ATP8B4: variants seen among roughly 807,000 people sequenced by gnomAD.
The protein encoded by ATP8B4 is ATPase phospholipid transporting 8B4 (putative).
Under a neutral mutation model 145.6 loss-of-function variants are expected in ATP8B4, and 133 were observed. The observed-to-expected ratio is 0.91, with a 90% confidence interval of 0.79 to 1.05. The LOEUF is 1.05. Among genes scored for constraint, ATP8B4 ranks in the 50% least tolerant of loss-of-function variants. ATP8B4 has a pLI of 0.00. For missense variants in ATP8B4, 1,458 were observed against 1,425.2 expected (o/e 1.02, Z -0.37); for synonymous variants, 507 against 492.9 (o/e 1.03, Z -0.38).
chr15:50,114,130 A>G (rs549548038), intron 1 of ATP8B4, among the ~76,000 whole-genome samples: 1 of 72,010 alleles, frequency 1.4e-5, no homozygotes, highest in African/African-American at 5.3e-5. Flanking sequence ...TTTTTTTTTA[A>G]TTTTCATAGA....
intron 6 of ATP8B4, among the ~76,000 whole-genome samples, chr15:50,029,503 A>G (rs936542325): frequency 1.6e-4 from 24 of 152,194 alleles, no homozygotes; most frequent in Non-Finnish European, 2.9e-4. Context: ...TCATAAAGAC[A>G]CTGGTGGTTG....
chr15:49,945,503 T>A (rs766459324), intron 14 of ATP8B4, among the ~76,000 whole-genome samples: 2 of 152,090 alleles, frequency 1.3e-5, no homozygotes, highest in African/African-American at 2.4e-5. Context: ...ACTTCCAAAC[T>A]CATTTTGAAG....
chr15:50,149,743 G>A (rs1325833606), intron 1 of ATP8B4, among the ~76,000 whole-genome samples: 1 of 152,162 alleles, frequency 6.6e-6, no homozygotes, highest in Non-Finnish European at 1.5e-5. Flanking sequence ...ACATGCCATA[G>A]TAAACTATGT....
At chr15:50,076,508 GA>G (rs947125727) in intron 2 of ATP8B4, among the ~76,000 whole-genome samples, 2 of 151,112 alleles carry the variant, frequency 1.3e-5, no homozygotes, top group Non-Finnish European at 3.0e-5. Context: ...AAAGAAAAAA[GA>G]AAAAAAAGAA....
intron 3 of ATP8B4, among the ~76,000 whole-genome samples, chr15:50,067,240 T>C (rs2053444542): frequency 6.6e-6 from 1 of 152,182 alleles, no homozygotes; most frequent in African/African-American, 2.4e-5. Context: ...GTTTGGGGAT[T>C]TGGCCTATTT....
At chr15:50,013,089 A>G (rs755564012) in intron 6 of ATP8B4, among the ~76,000 whole-genome samples, 1 of 152,168 alleles carries the variant, frequency 6.6e-6, no homozygotes, top group Non-Finnish European at 1.5e-5. Flanking sequence ...CACCACTGAC[A>G]ATAATACATA....
Position 49,917,253 on chromosome 15 carries a change from A to C in ATP8B4, c.2036-214T>G. On this transcript the variant is annotated intron_variant, in intron 19 of 27. Transcript: ENST00000284509. ...AATTCCCTACTTGCTAAACCCATGC[A>C]CAAGTAGCAACACTAACGAATGTGC... The C allele has an allele frequency of 1.0e-5, 5 of 492,766 alleles. No individual in the cohort carries two copies. The South Asian group carries it at 1.5e-4, about 15-fold the overall frequency. The allele number at this position is 492,766 out of a possible 1,614,324, so 30.5% of individuals were successfully genotyped here. A position where few individuals can be genotyped will look rare whatever the true frequency, so the allele number is the denominator to read the frequency against.
At chr15:50,014,984 C>A (rs28492873) in intron 6 of ATP8B4, among the ~76,000 whole-genome samples, 3 of 152,034 alleles carry the variant, frequency 2.0e-5, no homozygotes, top group African/African-American at 4.8e-5. Flanking sequence ...TTAGAAGCCA[C>A]GAAAATGTCC....
intron 23 of ATP8B4, among the ~76,000 whole-genome samples, chr15:49,889,986 G>C (rs970956433): frequency 1.3e-5 from 2 of 152,192 alleles, no homozygotes; most frequent in Non-Finnish European, 2.9e-5. Flanking sequence ...CTTATCCATA[G>C]TAAATTTATT....
At chr15:49,981,428 G>A (rs1432885623) in intron 10 of ATP8B4, 134 bp from the exon 11 acceptor site, 15 of 654,144 alleles carry the variant, frequency 2.3e-5, no homozygotes, top group Non-Finnish European at 2.5e-5. Context: ...AAGAGCAAGG[G>A]CCATTAAGTT....
intron 14 of ATP8B4, among the ~76,000 whole-genome samples, chr15:49,943,599 A>G (rs1384248490): frequency 6.6e-6 from 1 of 152,206 alleles, no homozygotes; most frequent in Non-Finnish European, 1.5e-5. Flanking sequence ...ATCTGCCAAC[A>G]AAGAATAACA....
At chr15:49,918,274 T>C (rs1461497937) in intron 19 of ATP8B4, among the ~76,000 whole-genome samples, 2 of 152,248 alleles carry the variant, frequency 1.3e-5, no homozygotes. Context: ...ATTCTCACTG[T>C]ACCTTGTATA....
chr15:49,869,500 G>T (rs1199067288), intron 25 of ATP8B4, among the ~76,000 whole-genome samples: 2 of 151,834 alleles, frequency 1.3e-5, no homozygotes, highest in African/African-American at 4.8e-5. Flanking sequence ...CAAAACTTAA[G>T]AATCTTTTAT....
intron 13 of ATP8B4, among the ~76,000 whole-genome samples, chr15:49,963,498 C>T (rs1043255441): frequency 2.0e-5 from 3 of 152,056 alleles, no homozygotes; most frequent in Non-Finnish European, 2.9e-5. Flanking sequence ...AGAAAAGACA[C>T]GGAATTAGCC....
intron 23 of ATP8B4, among the ~76,000 whole-genome samples, chr15:49,893,574 C>T (rs2037059587): frequency 6.6e-6 from 1 of 152,014 alleles, no homozygotes; most frequent in Non-Finnish European, 1.5e-5. Flanking sequence ...CTATATGATT[C>T]CATTTATATG....
At chr15:49,890,845 C>A (rs1463044876) in intron 23 of ATP8B4, among the ~76,000 whole-genome samples, 3 of 152,290 alleles carry the variant, frequency 2.0e-5, no homozygotes, top group Admixed American at 2.0e-4. Flanking sequence ...TTCAATACCG[C>A]GAACATGCCA....
intron 1 of ATP8B4, among the ~76,000 whole-genome samples, chr15:50,168,124 G>A (rs1236524901): frequency 6.6e-6 from 1 of 152,066 alleles, no homozygotes; most frequent in Admixed American, 6.6e-5. Context: ...TACAAGAGAA[G>A]GAAACAAAGA....
At chr15:49,926,276 T>A (rs1363605615) in intron 16 of ATP8B4, among the ~76,000 whole-genome samples, 1 of 152,044 alleles carries the variant, frequency 6.6e-6, no homozygotes, top group East Asian at 1.9e-4. Flanking sequence ...TCCTCTTATA[T>A]CCCCAGTCTT....
At chr15:50,122,030 A>C (rs1264837717), upstream of ATP8B4, among the ~76,000 whole-genome samples, 1 of 152,222 alleles carries the variant, frequency 6.6e-6, no homozygotes, top group African/African-American at 2.4e-5. Flanking sequence ...TTTATTCTTA[A>C]GAATCTGAAA....
Sources: allele counts gnomAD v4.1 joint callset (sites outside exome capture counted in the v4.1 genomes callset), GRCh38; gene constraint gnomAD v4.1.1; transcripts MANE v1.5; gene names NCBI Gene and HGNC (gene_info 2026-07-23, HGNC 2026-07-21).